Variants in CSMD1 observed in about 807,000 individuals in gnomAD.
The protein encoded by CSMD1 is CUB and Sushi multiple domains 1.
A neutral mutation model predicts 417.5 loss-of-function variants in CSMD1; 213 were observed. The observed-to-expected ratio is 0.51, with a 90% CI of 0.46 to 0.57. CSMD1 has a LOEUF of 0.57. Ranked by LOEUF, CSMD1 falls within the 20% of genes least tolerant of loss-of-function variation. The pLI is 0.00. For synonymous variants in CSMD1, 2,862 were observed against 1,736.8 expected, an observed-to-expected ratio of 1.65 and a Z score of -16.11; for missense variants, 6,923 against 4,529.7, an observed-to-expected ratio of 1.53 and a Z score of -15.17.
At chr8:3,715,717 A>G (rs887634643) in intron 6 of CSMD1, among the ~76,000 whole-genome samples, 2 of 151,930 alleles carry the variant, frequency 1.3e-5, no homozygotes, top group African/African-American at 4.8e-5. Context: ...TATTTTTTGT[A>G]TTTTTAGTAG....
At chr8:2,994,119 C>G (rs1201760024) in intron 54 of CSMD1, among the ~76,000 whole-genome samples, 1 of 124,220 alleles carries the variant, frequency 8.1e-6, no homozygotes, top group African/African-American at 3.5e-5. Flanking sequence ...GCACTCCAGC[C>G]TGGGCAACAG....
chr8:3,198,169 A>C (rs977206326), intron 33 of CSMD1, among the ~76,000 whole-genome samples: 1 of 152,212 alleles, frequency 6.6e-6, no homozygotes, highest in African/African-American at 2.4e-5. Context: ...CAACATTTGC[A>C]TATAAGACAC....
At chr8:3,003,957 T>C (rs1807651816) in intron 52 of CSMD1, among the ~76,000 whole-genome samples, 2 of 152,204 alleles carry the variant, frequency 1.3e-5, no homozygotes, top group Non-Finnish European at 2.9e-5. Context: ...ACCATTTGCA[T>C]CCTGTCCAGC....
chr8:4,193,958 A>G lies in CSMD1; in HGVS notation c.416-161859T>C, dbSNP rs959998084. Reference sequence around the variant, plus strand: ...TGGGAGGTGGGGCTGCAGGTAATTTATATTCTTTCCTAAGTAAATGTTCTA... The same window carrying G: ...TGGGAGGTGGGGCTGCAGGTAATTTGTATTCTTTCCTAAGTAAATGTTCTA... On this transcript the variant is annotated intron_variant, in intron 3 of 69. Transcript: ENST00000635120. 6.6e-5 allele frequency among the ~76,000 whole-genome samples: 10 copies of G among 151,938 alleles called. 1 individual carries two copies. The highest frequency in any genetic ancestry group is 2.2e-4 in the African/African-American group (9 of 41,350).
chr8:3,568,566 C>T (rs1456530033), intron 10 of CSMD1, among the ~76,000 whole-genome samples: 1 of 151,998 alleles, frequency 6.6e-6, no homozygotes, highest in Admixed American at 6.6e-5. Flanking sequence ...ATTATGTCAC[C>T]ACAGAATGTA....
chr8:3,231,699 A>G (rs1798849728), intron 26 of CSMD1, among the ~76,000 whole-genome samples: 1 of 152,198 alleles, frequency 6.6e-6, no homozygotes, highest in Admixed American at 6.5e-5. Context: ...TTAAAAGACC[A>G]AAGCTCTATC....
At chr8:4,181,957 C>CGTGTGTGG (rs1554484231) in intron 3 of CSMD1, among the ~76,000 whole-genome samples, 2 of 150,022 alleles carry the variant, frequency 1.3e-5, no homozygotes, top group Non-Finnish European at 3.0e-5. Flanking sequence ...TCTGTGTCTG[C>CGTGTGTGG]GTGTGTGTGT....
At chr8:3,747,403 A>G (rs1325428297) in intron 6 of CSMD1, among the ~76,000 whole-genome samples, 1 of 149,038 alleles carries the variant, frequency 6.7e-6, no homozygotes, top group African/African-American at 2.4e-5. Flanking sequence ...CAGAAATATT[A>G]TGTAGACACA....
At chr8:3,162,324 ATTC>A in intron 37 of CSMD1, 47 bp from the exon 38 acceptor site, 1 of 1,242,354 alleles carries the variant, frequency 8.0e-7, no homozygotes, top group Non-Finnish European at 1.2e-6. Flanking sequence ...TGTAAACAAT[ATTC>A]TTATCATTTG....
At chr8:4,421,401 A>T (rs1037972606) in intron 2 of CSMD1, among the ~76,000 whole-genome samples, 1 of 152,154 alleles carries the variant, frequency 6.6e-6, no homozygotes, top group Non-Finnish European at 1.5e-5. Context: ...AGGTGCCCAC[A>T]GAACATATAC....
intron 2 of CSMD1, among the ~76,000 whole-genome samples, chr8:4,452,349 C>A (rs1272826369): frequency 6.6e-6 from 1 of 152,100 alleles, no homozygotes; most frequent in Non-Finnish European, 1.5e-5. Flanking sequence ...AAACAAATTC[C>A]ACTGGGGTGA....
chr8:3,935,266 G>T (rs990103643), intron 5 of CSMD1, among the ~76,000 whole-genome samples: 2 of 152,088 alleles, frequency 1.3e-5, no homozygotes, highest in Admixed American at 6.6e-5. Flanking sequence ...TTATATGAAA[G>T]AATTTTCATA....
intron 2 of CSMD1, among the ~76,000 whole-genome samples, chr8:4,508,762 T>C (rs1802665572): frequency 6.6e-6 from 1 of 152,164 alleles, no homozygotes. Context: ...AAAACACTCA[T>C]AAATTATTTC....
At chr8:3,841,466 G>A (rs1803127585) in intron 5 of CSMD1, among the ~76,000 whole-genome samples, 1 of 152,110 alleles carries the variant, frequency 6.6e-6, no homozygotes. Context: ...GCAAGACCAA[G>A]CACTGCATTC....
intron 1 of CSMD1, among the ~76,000 whole-genome samples, chr8:4,735,018 A>C (rs972567798): frequency 1.3e-5 from 2 of 152,226 alleles, no homozygotes; most frequent in Non-Finnish European, 2.9e-5. Flanking sequence ...GGGTTGTTTG[A>C]AATCACATCA....
At chr8:3,924,913 T>C (rs1405907409) in intron 5 of CSMD1, among the ~76,000 whole-genome samples, 1 of 152,202 alleles carries the variant, frequency 6.6e-6, no homozygotes, top group Admixed American at 6.6e-5. Flanking sequence ...TTGGTACCAT[T>C]ATATTTCCTT....
chr8:4,490,244 C>G (rs1389642002), intron 2 of CSMD1, among the ~76,000 whole-genome samples: 1 of 151,922 alleles, frequency 6.6e-6, no homozygotes, highest in African/African-American at 2.4e-5. Context: ...GTTTCACCAT[C>G]TTGGCCAGGT....
chr8:4,750,212 T>C (rs1483174360), intron 1 of CSMD1, among the ~76,000 whole-genome samples: 1 of 151,918 alleles, frequency 6.6e-6, no homozygotes, highest in Non-Finnish European at 1.5e-5. Flanking sequence ...TTTCACCGTG[T>C]TAGCCACGAT....
At chr8:4,900,113 A>T (rs1381197864) in intron 1 of CSMD1, among the ~76,000 whole-genome samples, 1 of 151,862 alleles carries the variant, frequency 6.6e-6, no homozygotes, top group Non-Finnish European at 1.5e-5. Flanking sequence ...CCACCTTCCC[A>T]TGCCTGGCTT....
Sources: gnomAD v4.1 joint callset for allele counts (sites outside exome capture counted in the v4.1 genomes callset) on GRCh38, gnomAD v4.1.1 for gene constraint, MANE v1.5 for transcripts, NCBI Gene and HGNC (gene_info 2026-07-23, HGNC 2026-07-21) for gene names.